DAP: variants seen among roughly 807,000 people sequenced by gnomAD.
The protein encoded by DAP is death associated protein.
Under a neutral mutation model 13.8 loss-of-function variants are expected in DAP, and 8 were observed. The ratio of observed to expected loss-of-function variants is 0.58; its 90% CI spans 0.34 to 1.05. The LOEUF is 1.05. Among genes scored for constraint, DAP ranks in the 50% least tolerant of loss-of-function variants. The probability of loss-of-function intolerance (pLI) is 0.03; values close to 1 mark genes in which losing one functional copy is unlikely to be tolerated. For synonymous variants in DAP, 47 were observed against 47.5 expected (o/e 0.99, Z 0.04); for missense variants, 106 against 133.2 (o/e 0.80, Z 1.01).
rs1488540180 is a variant in DAP at position 10,679,550 on chromosome 5, G to C, written c.*1506C>G. 1.3e-5 allele frequency: 2 copies of C among 152,500 alleles called. No homozygotes were observed. Among genetic ancestry groups the C allele is most frequent in the African/African-American group, 4.8e-5 (2 of 41,438 alleles). 9.4% of individuals were successfully genotyped at this position (152,500 alleles called of 1,614,324 possible). A position where few individuals can be genotyped will look rare whatever the true frequency, so the allele number is the denominator to read the frequency against. The stretch of plus-strand genomic sequence containing the variant: ...AGGCAGGCTGGGAGGTGCTTGCTGG[G>C]GTGTTCCATGGCAGCGCTGCCAACC... On this transcript the variant is annotated 3_prime_UTR_variant, in exon 4 of 4. Coordinates refer to ENST00000230895, the MANE Select transcript of DAP (RefSeq NM_004394.3).
intron 2 of DAP, among the ~76,000 whole-genome samples, chr5:10,739,601 G>C (rs1739705740): frequency 6.6e-6 from 1 of 152,100 alleles, no homozygotes; most frequent in African/African-American, 2.4e-5. Context: ...CACACACACA[G>C]AGCCTGCTGA....
intron 2 of DAP, among the ~76,000 whole-genome samples, chr5:10,733,546 T>A (rs1317213203): frequency 6.6e-6 from 1 of 152,194 alleles, no homozygotes; most frequent in African/African-American, 2.4e-5. Flanking sequence ...AATCTGCTGA[T>A]TCTATGAGAA....
At chr5:10,720,921 T>C (rs1264278126) in intron 2 of DAP, among the ~76,000 whole-genome samples, 2 of 152,222 alleles carry the variant, frequency 1.3e-5, no homozygotes, top group Non-Finnish European at 2.9e-5. Context: ...CGGAATGCCT[T>C]ATCCACTGTC....
At chr5:10,719,870 G>T (rs2126657860) in intron 2 of DAP, among the ~76,000 whole-genome samples, 1 of 152,300 alleles carries the variant, frequency 6.6e-6, no homozygotes, top group South Asian at 2.1e-4. Flanking sequence ...GTTCACAGAT[G>T]GTTCTGCACA....
chr5:10,736,370 G>T (rs1393752308), intron 2 of DAP, among the ~76,000 whole-genome samples: 1 of 152,222 alleles, frequency 6.6e-6, no homozygotes, highest in Non-Finnish European at 1.5e-5. Flanking sequence ...GTGGAGATGA[G>T]AATGGCTTTG....
intron 2 of DAP, among the ~76,000 whole-genome samples, chr5:10,745,156 A>G (rs1739869139): frequency 6.6e-6 from 1 of 152,150 alleles, no homozygotes; most frequent in Non-Finnish European, 1.5e-5. Flanking sequence ...GGGGAGTGGG[A>G]GTGCATGGTG....
intron 2 of DAP, among the ~76,000 whole-genome samples, chr5:10,701,871 C>A (rs905379023): frequency 6.6e-6 from 1 of 152,214 alleles, no homozygotes; most frequent in Non-Finnish European, 1.5e-5. Context: ...CTGGTATGAT[C>A]CTCAACTTTT....
At chr5:10,694,778 A>G (rs1738392850) in intron 2 of DAP, among the ~76,000 whole-genome samples, 1 of 152,152 alleles carries the variant, frequency 6.6e-6, no homozygotes, top group South Asian at 2.1e-4. Flanking sequence ...GCACTGATGA[A>G]GGGGGTGACA....
chr5:10,703,257 A>G lies in DAP; in HGVS notation c.153-19686T>C, dbSNP rs7717098. ...TAAGATGTTTTTCCCTTTAGAAACA[A>G]TATGAATGATGCTTAGGTTCCTAAA... On this transcript the variant is annotated intron_variant, in intron 2 of 3. Transcript: ENST00000230895. Among the ~76,000 whole-genome samples, 284 of 152,354 alleles carry G rather than the reference A, an allele frequency of 1.9e-3. 1 individual carries two copies. Among genetic ancestry groups the G allele is most frequent in the African/African-American group, 5.5e-3 (228 of 41,584 alleles).
Position 10,761,162 on chromosome 5 carries a change from C to G in DAP, c.-94G>C. ...GAGCTCAGGTGTGAGCGCCGGGGAGCGAGCGGGCGGGAGAACGACGCGCGC... is the reference window on the plus strand; with the variant it reads ...GAGCTCAGGTGTGAGCGCCGGGGAGGGAGCGGGCGGGAGAACGACGCGCGC... On this transcript the variant is annotated 5_prime_UTR_variant, in exon 1 of 4. Transcript: ENST00000230895. 1 of 724,874 alleles carries G rather than the reference C, an allele frequency of 1.4e-6. No homozygotes were observed. The allele number at this position is 724,874 out of a possible 1,614,324, so 44.9% of individuals were successfully genotyped here.
chr5:10,715,441 T>G (rs931586934), intron 2 of DAP, among the ~76,000 whole-genome samples: 7 of 152,102 alleles, frequency 4.6e-5, no homozygotes, highest in Non-Finnish European at 1.0e-4. Flanking sequence ...CACTCCACCC[T>G]TGGGGACATG....
intron 2 of DAP, among the ~76,000 whole-genome samples, chr5:10,741,185 T>C (rs1486845323): frequency 1.0e-5 from 1 of 97,280 alleles, no homozygotes; most frequent in Non-Finnish European, 2.7e-5. Flanking sequence ...ACCTGGTCTC[T>C]ACAAAAAAAA....
intron 2 of DAP, among the ~76,000 whole-genome samples, chr5:10,728,716 G>A (rs1739355265): frequency 1.3e-5 from 2 of 152,050 alleles, no homozygotes; most frequent in South Asian, 2.1e-4. Context: ...TTTCGATCAC[G>A]ACCACAGCAC....
rs557897823 is a variant in DAP, at chr5:10,724,418, TA to T, written c.152+23756del. The stretch of plus-strand genomic sequence containing the variant: ...TTTTTCCCTCATTTTCTTTTCTCTA[TA>T]AAAGTCCCATAAGAGAAAGAGACAC... On this transcript the variant is annotated intron_variant, in intron 2 of 3. Coordinates refer to ENST00000230895, the MANE Select transcript of DAP (RefSeq NM_004394.3). Among the ~76,000 whole-genome samples the T allele has an allele frequency of 1.6e-4, 25 of 152,282 alleles. No homozygotes were observed. In the South Asian group the frequency reaches 5.2e-3, roughly 32 times the overall value.
At chr5:10,708,522 C>A (rs1738761184) in intron 2 of DAP, among the ~76,000 whole-genome samples, 1 of 152,112 alleles carries the variant, frequency 6.6e-6, no homozygotes, top group South Asian at 2.1e-4. Flanking sequence ...GCACTAATCC[C>A]ATGTAATATG....
At chr5:10,739,201 C>CAAAAAAAAAAAAAA (rs10644743) in intron 2 of DAP, among the ~76,000 whole-genome samples, 10 of 71,602 alleles carry the variant, frequency 1.4e-4, no homozygotes, top group African/African-American at 3.3e-4. Context: ...GACTCTGAAT[C>CAAAAAAAAAAAAAA]AAAAAAAAAA....
In DAP at chr5:10,750,344, G is replaced by A. The variant is rs116290211; in HGVS notation, c.56-2073C>T. Among the ~76,000 whole-genome samples the A allele has an allele frequency of 5.2e-3, 792 of 152,162 alleles. 8 individuals carry two copies. The highest frequency in any genetic ancestry group is 0.018 in the African/African-American group (743 of 41,526). ...GGGAGACTTGGCCAGCCCGACTGGA[G>A]GGAGATGGTGACGTTTGCTCCCAGG... On this transcript the variant is annotated intron_variant, in intron 1 of 3. Transcript: ENST00000230895.
chr5:10,682,601 G>A (rs887614050), intron 3 of DAP, among the ~76,000 whole-genome samples: 6 of 152,200 alleles, frequency 3.9e-5, no homozygotes, highest in South Asian at 2.1e-4. Context: ...ACCCACCAGC[G>A]TCCCTGCAGG....
Position 10,688,861 on chromosome 5 carries a change from T to A in DAP, c.153-5290A>T, listed in dbSNP as rs559583276. On this transcript the variant is annotated intron_variant, in intron 2 of 3. Coordinates refer to ENST00000230895, the MANE Select transcript of DAP (RefSeq NM_004394.3). ...CTGGAGAGGCCTCCATGTTGGGTGT[T>A]CCTGACAGGCTCCTTGGTTGAGCCC... 4.0e-5 allele frequency among the ~76,000 whole-genome samples: 6 copies of A among 151,798 alleles called. No individual in the cohort carries two copies. In the East Asian group the frequency reaches 1.2e-3, roughly 30 times the overall value.
Sources: allele counts gnomAD v4.1 joint callset (sites outside exome capture counted in the v4.1 genomes callset), GRCh38; gene constraint gnomAD v4.1.1; transcripts MANE v1.5; gene names NCBI Gene and HGNC (gene_info 2026-07-23, HGNC 2026-07-21).